B3GNT8: variants seen among roughly 807,000 people sequenced by gnomAD.
The protein encoded by B3GNT8 is N-acetyllactosaminide beta-1,3-N-acetylglucosaminyltransferase 8.
For synonymous variants in B3GNT8, 258 were observed against 238.3 expected (o/e 1.08, Z -0.76); for missense variants, 502 against 530.5 (o/e 0.95, Z 0.53).
In B3GNT8 at chr19:41,425,794, G is replaced by T; in HGVS notation, c.985C>A (p.Pro329Thr). Residue 329 changes from proline (P) to threonine (T), a missense_variant, in exon 2 of 2, where the codon CCC (proline) becomes ACC (threonine). Transcript: ENST00000691102. ...WLLRAAARVA[P>T]FPFEDVYTGL... ...GTGTAGACGTCCTCAAAGGGGAAGG[G>T]TGCCACACGGGCTGCCGCCCGCAGC... 6.2e-7 allele frequency: 1 copy of T among 1,612,724 alleles called. No individual in the cohort carries two copies. The highest frequency in any genetic ancestry group is 8.5e-7 in the Non-Finnish European group (1 of 1,179,802).
chr19:41,426,374 A>C lies in B3GNT8; in HGVS notation c.405T>G (p.Gly135=). The change falls in exon 2 of 2, where the codon GGT becomes GGG. Residue 135 remains glycine, a synonymous_variant. Coordinates refer to ENST00000691102, the MANE Select transcript of B3GNT8 (RefSeq NM_001385648.2). This position sits in a 1 kb window ranked among gnomAD's most constrained non-coding sequence, Gnocchi z 4.9. ...RSFPQWLPGG[G]GSQVSSCSDT... ...CTGAGCAGCTGGAGACTTGGCTGCC[A>C]CCACCTCCAGGCAGCCACTGTGGGA... is the stretch of plus-strand genomic sequence containing the variant. 1 of 1,612,706 alleles carries C rather than the reference A, an allele frequency of 6.2e-7. No homozygotes were observed. The highest frequency in any genetic ancestry group is 8.5e-7 in the Non-Finnish European group (1 of 1,179,928).
At position 41,427,150 on chromosome 19, in the gene B3GNT8, TCTCC is replaced by T; in HGVS notation, c.-33+130_-33+133del. 3.5e-6 allele frequency: 1 copy of T among 288,332 alleles called. No individual in the cohort carries two copies. Among genetic ancestry groups the T allele is most frequent in the South Asian group, 4.7e-5 (1 of 21,242 alleles). The allele number at this position is 288,332 out of a possible 1,614,324, so 17.9% of individuals were successfully genotyped here. A position where few individuals can be genotyped will look rare whatever the true frequency, so the allele number is the denominator to read the frequency against. ...GGGACCTTGCCGTCTATCTCCTCCC[TCTCC>T]CTCCATTTATTGCCCTCACCAGGAA... is the stretch of plus-strand genomic sequence containing the variant. On this transcript the variant is annotated intron_variant, in intron 1 of 1. Coordinates refer to ENST00000691102, the MANE Select transcript of B3GNT8 (RefSeq NM_001385648.2). This position sits in a 1 kb window ranked among gnomAD's most constrained non-coding sequence, Gnocchi z 5.6.
chr19:41,425,442 G>A lies in B3GNT8; in HGVS notation c.*143C>T. 1 of 587,940 alleles carries A rather than the reference G, an allele frequency of 1.7e-6. No homozygotes were observed. Among genetic ancestry groups the A allele is most frequent in the Non-Finnish European group, 2.7e-6 (1 of 376,020 alleles). The allele number at this position is 587,940 out of a possible 1,614,324, so 36.4% of individuals were successfully genotyped here. A position where few individuals can be genotyped will look rare whatever the true frequency, so the allele number is the denominator to read the frequency against. On this transcript the variant is annotated 3_prime_UTR_variant, in exon 2 of 2. Transcript: ENST00000691102. The stretch of plus-strand genomic sequence containing the variant: ...CCCATCTTTCCTGCCCAGGCCCCTG[G>A]CTGGGGGAGGCCAAGGAGTGGCTTA...
upstream of B3GNT8, among the ~76,000 whole-genome samples, chr19:41,428,434 C>T (rs370501849): frequency 6.6e-6 from 1 of 152,328 alleles, no homozygotes; most frequent in East Asian, 1.9e-4. This position sits in a 1 kb window ranked among gnomAD's most constrained non-coding sequence, Gnocchi z 6.1. Flanking sequence ...GGAACACTCA[C>T]ATCCAGCCCC....
chr19:41,427,934 G>C (rs1181904590), upstream of B3GNT8, among the ~76,000 whole-genome samples: 2 of 151,842 alleles, frequency 1.3e-5, no homozygotes, highest in African/African-American at 4.8e-5. This position sits in a 1 kb window ranked among gnomAD's most constrained non-coding sequence, Gnocchi z 5.6. Flanking sequence ...AGACGGCCAG[G>C]GAGCAGAGAG....
Position 41,425,625 on chromosome 19 carries a change from C to T in B3GNT8, c.1154G>A (p.Arg385Gln), listed in dbSNP as rs767002178. 2.1e-5 allele frequency: 32 copies of T among 1,515,304 alleles called. No individual in the cohort carries two copies. The Admixed American group carries it at 3.2e-4, about 15-fold the overall frequency. 93.9% of individuals were successfully genotyped at this position (1,515,304 alleles called of 1,614,324 possible). A position where few individuals can be genotyped will look rare whatever the true frequency, so the allele number is the denominator to read the frequency against. Reference protein sequence around the residue: ...VRPLGPQASIRLWKQLQDPRL... With the variant: ...VRPLGPQASIQLWKQLQDPRL... The stretch of plus-strand genomic sequence containing the variant: ...TGGGTCTTGCAGTTGTTTCCAGAGC[C>T]GAATGCTGGCCTGGGGGCCCAGGGG... Residue 385 changes from arginine (R) to glutamine (Q), a missense_variant, in exon 2 of 2, where the codon CGG becomes CAG. Transcript: ENST00000691102.
upstream of B3GNT8, chr19:41,427,393 G>C: frequency 6.3e-6 from 1 of 159,938 alleles, no homozygotes; most frequent in South Asian, 1.6e-4. The surrounding 1 kb of genome is among the most constrained non-coding windows in gnomAD (Gnocchi z 5.6). Flanking sequence ...GCGGGGCCCA[G>C]CCCTGCCCAG....
chr19:41,425,853 C>T lies in B3GNT8; in HGVS notation c.926G>A (p.Gly309Asp). 2 of 1,613,160 alleles carry T rather than the reference C, an allele frequency of 1.2e-6. No homozygotes were observed. The highest frequency in any genetic ancestry group is 8.5e-7 in the Non-Finnish European group (1 of 1,179,984). ...GGYPAYASGG[G>D]YVIAGRLAPW... ...TGCCAGGCGCCCGGCAATGACGTAG[C>T]CACCCCCGCTTGCATAGGCTGGGTA... Residue 309 changes from glycine (G) to aspartate (D), a missense_variant, in exon 2 of 2, where the codon GGC (glycine) becomes GAC (aspartate). Coordinates refer to ENST00000691102, the MANE Select transcript of B3GNT8 (RefSeq NM_001385648.2).
At position 41,425,578 on chromosome 19, in the gene B3GNT8, A is replaced by T. The variant is rs61443543; in HGVS notation, c.*7T>A. On this transcript the variant is annotated 3_prime_UTR_variant, in exon 2 of 2. Coordinates refer to ENST00000691102, the MANE Select transcript of B3GNT8 (RefSeq NM_001385648.2). Reference sequence around the variant, plus strand: ...CAGGTCAGCACCTCCGCCCTCCCCAATGAGAGTCAGCACTGGAGCCTTGGG... The same window carrying T: ...CAGGTCAGCACCTCCGCCCTCCCCATTGAGAGTCAGCACTGGAGCCTTGGG... 2 of 1,456,056 alleles carry T rather than the reference A, an allele frequency of 1.4e-6. No individual in the cohort carries two copies. The highest frequency in any genetic ancestry group is 3.1e-5 in the South Asian group (2 of 65,548). 90.2% of individuals were successfully genotyped at this position (1,456,056 alleles called of 1,614,324 possible). A position where few individuals can be genotyped will look rare whatever the true frequency, so the allele number is the denominator to read the frequency against.
At chr19:41,427,447 G>C (rs2039448744), upstream of B3GNT8, 1 of 157,308 alleles carries the variant, frequency 6.4e-6, no homozygotes, top group Admixed American at 6.0e-5. The surrounding 1 kb of genome is among the most constrained non-coding windows in gnomAD (Gnocchi z 5.6). Flanking sequence ...GGAGCAGGGA[G>C]GGCCCCAGGG....
Position 41,426,280 on chromosome 19 carries a change from C to T in B3GNT8, c.499G>A (p.Val167Met), listed in dbSNP as rs377528982. 5.1e-5 allele frequency: 83 copies of T among 1,613,246 alleles called. 1 individual carries two copies. The highest frequency in any genetic ancestry group is 4.7e-4 in the South Asian group (43 of 91,084). ...EPGRFAERQA[V>M]RETWGSPAPG... Reference sequence around the variant, plus strand: ...GCTGGACTGCCCCACGTCTCTCTCACGGCCTGTCGTTCTGCAAAGCGCCCT... The same window carrying T: ...GCTGGACTGCCCCACGTCTCTCTCATGGCCTGTCGTTCTGCAAAGCGCCCT... Residue 167 changes from valine (V) to methionine (M), a missense_variant, in exon 2 of 2, where the codon GTG becomes ATG. Transcript: ENST00000691102. The surrounding 1 kb of genome is among the most constrained non-coding windows in gnomAD (Gnocchi z 4.9).
rs1351844611 is a variant in B3GNT8 at position 41,427,322 on chromosome 19, C to T, written c.-71G>A. 1.7e-5 allele frequency: 3 copies of T among 171,928 alleles called. No homozygotes were observed. Among genetic ancestry groups the T allele is most frequent in the African/African-American group, 7.2e-5 (3 of 41,570 alleles). 10.7% of individuals were successfully genotyped at this position (171,928 alleles called of 1,614,324 possible). On this transcript the variant is annotated 5_prime_UTR_variant, in exon 1 of 2. Transcript: ENST00000691102. This position sits in a 1 kb window ranked among gnomAD's most constrained non-coding sequence, Gnocchi z 5.6. ...TCCCGCCAGCTCCGGGTGCCGGCCT[C>T]AGGTCAGGCCTCCCTCAGCTCCCTC...
chr19:41,426,253 G>C lies in B3GNT8; in HGVS notation c.526C>G (p.Pro176Ala), dbSNP rs768795534. 27 of 1,613,352 alleles carry C rather than the reference G, an allele frequency of 1.7e-5. No individual in the cohort carries two copies. Among genetic ancestry groups the C allele is most frequent in the Non-Finnish European group, 2.2e-5 (26 of 1,180,038 alleles). ...AVRETWGSPA[P>A]GIRLLFLLGS... ...AGCAGGAAGAGCAGCCGGATCCCTG[G>C]AGCTGGACTGCCCCACGTCTCTCTC... The change falls in exon 2 of 2, where the codon CCA (proline) becomes GCA (alanine). Residue 176 changes from proline to alanine, a missense_variant. Physicochemically the swap from Pro to Ala is conservative, Grantham distance 27. Coordinates refer to ENST00000691102, the MANE Select transcript of B3GNT8 (RefSeq NM_001385648.2). The surrounding 1 kb of genome is among the most constrained non-coding windows in gnomAD (Gnocchi z 4.9).
chr19:41,425,552 C>CCAGGGCCGGGGT lies in B3GNT8; in HGVS notation c.*32_*33insACCCCGGCCCTG, dbSNP rs2039420870. On this transcript the variant is annotated 3_prime_UTR_variant, in exon 2 of 2. Coordinates refer to ENST00000691102, the MANE Select transcript of B3GNT8 (RefSeq NM_001385648.2). ...CAGGGGCCGGCCCCAGAGGCCCAGG[C>CCAGGGCCGGGGT]CAGGTCAGCACCTCCGCCCTCCCCA... The CCAGGGCCGGGGT allele has an allele frequency of 6.2e-6, 9 of 1,455,488 alleles. No individual in the cohort carries two copies. The highest frequency in any genetic ancestry group is 8.2e-6 in the Non-Finnish European group (9 of 1,100,612). 90.2% of individuals were successfully genotyped at this position (1,455,488 alleles called of 1,614,324 possible).
At position 41,426,479 on chromosome 19, in the gene B3GNT8, G is replaced by A. The variant is rs754772475; in HGVS notation, c.300C>T (p.Ala100=). 16 of 1,584,722 alleles carry A rather than the reference G, an allele frequency of 1.0e-5. No homozygotes were observed. Among genetic ancestry groups the A allele is most frequent in the South Asian group, 7.9e-5 (7 of 89,102 alleles). The part of the protein sequence containing the change: ...ETGGCQAWGA[A]AATEIPDFAS... ...CGAAGTCAGGGATCTCGGTGGCGGC[G>A]GCGGCCCCCCAAGCCTGGCAGCCCC... The change falls in exon 2 of 2, where the codon GCC becomes GCT. Residue 100 remains alanine (A), a synonymous_variant. Coordinates refer to ENST00000691102, the MANE Select transcript of B3GNT8 (RefSeq NM_001385648.2). This position sits in a 1 kb window ranked among gnomAD's most constrained non-coding sequence, Gnocchi z 4.9.
upstream of B3GNT8, chr19:41,428,614 T>C: frequency 6.6e-6 from 1 of 150,532 alleles, no homozygotes; most frequent in South Asian, 2.1e-4. This position sits in a 1 kb window ranked among gnomAD's most constrained non-coding sequence, Gnocchi z 6.1. Flanking sequence ...GGGGCAGGCC[T>C]GTCCCCATCA....
At position 41,425,904 on chromosome 19, in the gene B3GNT8, A is replaced by G; in HGVS notation, c.875T>C (p.Val292Ala). 6.2e-7 allele frequency: 1 copy of G among 1,613,216 alleles called. No homozygotes were observed. The highest frequency in any genetic ancestry group is 8.5e-7 in the Non-Finnish European group (1 of 1,180,006). ...PLRKPGGPFY[V>A]PESFFEGGYP... ...GCCACCTTCGAAGAAGGACTCGGGCACATAGAAGGGTCCTCCTGGCTTCCG... is the reference window on the plus strand; with the variant it reads ...GCCACCTTCGAAGAAGGACTCGGGCGCATAGAAGGGTCCTCCTGGCTTCCG... The change falls in exon 2 of 2, where the codon GTG becomes GCG. Residue 292 changes from valine to alanine, a missense_variant. Coordinates refer to ENST00000691102, the MANE Select transcript of B3GNT8 (RefSeq NM_001385648.2).
Position 41,426,528 on chromosome 19 carries a change from G to A in B3GNT8, c.251C>T (p.Pro84Leu), listed in dbSNP as rs1186150408. 6 of 1,591,348 alleles carry A rather than the reference G, an allele frequency of 3.8e-6. No homozygotes were observed. The highest frequency in any genetic ancestry group is 3.4e-5 in the Admixed American group (2 of 58,142). The change falls in exon 2 of 2, where the codon CCC (proline) becomes CTC (leucine). Residue 84 changes from proline to leucine, a missense_variant. Transcript: ENST00000691102. The surrounding 1 kb of genome is among the most constrained non-coding windows in gnomAD (Gnocchi z 4.9). ...NQQQWRLGSLPSGDSTETGGC... is the reference protein window; with the variant it reads ...NQQQWRLGSLLSGDSTETGGC... The stretch of plus-strand genomic sequence containing the variant: ...CCCCGTTTCAGTGCTGTCCCCACTG[G>A]GCAGGGACCCCAGCCGCCACTGCTG...
chr19:41,426,434 G>A lies in B3GNT8; in HGVS notation c.345C>T (p.Leu115=). The A allele has an allele frequency of 1.9e-6, 3 of 1,610,576 alleles. No homozygotes were observed. Among genetic ancestry groups the A allele is most frequent in the Non-Finnish European group, 2.5e-6 (3 of 1,179,636 alleles). The change falls in exon 2 of 2, where the codon CTC becomes CTT. Residue 115 remains leucine (L), a synonymous_variant. Coordinates refer to ENST00000691102, the MANE Select transcript of B3GNT8 (RefSeq NM_001385648.2). This position sits in a 1 kb window ranked among gnomAD's most constrained non-coding sequence, Gnocchi z 4.9. The part of the protein sequence containing the change: ...IPDFASYPKD[L]RRFLLSAACR... ...AGGCTGCTGACAGCAAGAAGCGGCG[G>A]AGGTCCTTGGGGTAGGAGGCGAAGT...
Sources: gnomAD v4.1 joint callset for allele counts (sites outside exome capture counted in the v4.1 genomes callset) on GRCh38, gnomAD v4.1.1 for gene constraint, Gnocchi (gnomAD v3.1) non-coding constraint, MANE v1.5 for transcripts, NCBI Gene and HGNC (gene_info 2026-07-23, HGNC 2026-07-21) for gene names.